PLXNA2: variants seen among roughly 807,000 people sequenced by gnomAD.
PLXNA2 encodes plexin A2, also known as plexin-A2.
Under a neutral mutation model 193.5 loss-of-function variants are expected in PLXNA2, and 91 were observed. The ratio of observed to expected loss-of-function variants is 0.47; its 90% CI spans 0.40 to 0.56. The LOEUF (loss-of-function observed/expected upper bound fraction) is 0.56, where lower values mean the gene tolerates loss of function less well. Among genes scored for constraint, PLXNA2 ranks in the 20% least tolerant of loss-of-function variants. The pLI, the probability that PLXNA2 is intolerant of heterozygous loss-of-function variation, is 0.00. For synonymous variants in PLXNA2, 997 were observed against 1,027.3 expected (o/e 0.97, Z 0.56); for missense variants, 1,995 against 2,503.2 (o/e 0.80, Z 4.33).
chr1:208,174,810 A>G (rs1669611752), intron 3 of PLXNA2, among the ~76,000 whole-genome samples: 1 of 152,196 alleles, frequency 6.6e-6, no homozygotes, highest in African/African-American at 2.4e-5. Context: ...CCACCTGTAT[A>G]TCCTCAAGTT....
At chr1:208,195,035 A>T (rs1670315257) in intron 3 of PLXNA2, among the ~76,000 whole-genome samples, 1 of 152,158 alleles carries the variant, frequency 6.6e-6, no homozygotes, top group South Asian at 2.1e-4. Flanking sequence ...CGAGCTTGAC[A>T]ATAAGGGAGC....
chr1:208,206,862 C>T (rs570483701), intron 3 of PLXNA2, among the ~76,000 whole-genome samples: 4 of 149,104 alleles, frequency 2.7e-5, no homozygotes, highest in Non-Finnish European at 5.9e-5. Flanking sequence ...CTCCCAGGTT[C>T]AAGCAATTCT....
At chr1:208,067,840 A>G (rs1385707683) in intron 12 of PLXNA2, among the ~76,000 whole-genome samples, 1 of 152,170 alleles carries the variant, frequency 6.6e-6, no homozygotes, top group Non-Finnish European at 1.5e-5. Context: ...GCTCGCTGGG[A>G]GAGCTCAAGG....
chr1:208,124,143 CACTT>C (rs79547296), intron 4 of PLXNA2, among the ~76,000 whole-genome samples: 12,366 of 152,108 alleles, frequency 0.081, 570 homozygotes, highest in Middle Eastern at 0.11. Flanking sequence ...CACACGTTCT[CACTT>C]ACAAGTGGGA....
At chr1:208,242,448 G>C (rs1672089220) in intron 1 of PLXNA2, among the ~76,000 whole-genome samples, 1 of 152,092 alleles carries the variant, frequency 6.6e-6, no homozygotes, top group Non-Finnish European at 1.5e-5. Context: ...CAAACTGATG[G>C]GCCCCCAAGT....
In PLXNA2 at chr1:208,096,841, T is replaced by C. The variant is rs143375126; in HGVS notation, c.1774A>G (p.Ile592Val). Residue 592 changes from isoleucine to valine, a missense_variant, in exon 7 of 32, where the codon ATC becomes GTC. Transcript: ENST00000367033. Reference sequence around the variant, plus strand: ...GTCAGGTTCCCAAAGGCACAGGCGATACCCGCAGATAGATCAGGAGCATCA... The same window carrying C: ...GTCAGGTTCCCAAAGGCACAGGCGACACCCGCAGATAGATCAGGAGCATCA... ...VSDAPDLSAG[I>V]ACAFGNLTEV... 3.1e-6 allele frequency: 5 copies of C among 1,614,086 alleles called. No individual in the cohort carries two copies. Among genetic ancestry groups the C allele is most frequent in the Non-Finnish European group, 4.2e-6 (5 of 1,180,006 alleles).
At chr1:208,029,298 T>A (rs1664429438) in intron 29 of PLXNA2, 1 of 1,301,688 alleles carries the variant, frequency 7.7e-7, no homozygotes, top group Admixed American at 3.3e-5. Flanking sequence ...GGCCTGGGTG[T>A]GTTCTGTTCC....
intron 1 of PLXNA2, among the ~76,000 whole-genome samples, chr1:208,224,194 A>T (rs1410132245): frequency 1.3e-5 from 2 of 152,208 alleles, no homozygotes; most frequent in Non-Finnish European, 2.9e-5. Context: ...GTCCTCAATT[A>T]GAGTGAAAGG....
At chr1:208,158,974 TC>T (rs1316908714) in intron 3 of PLXNA2, among the ~76,000 whole-genome samples, 4 of 152,168 alleles carry the variant, frequency 2.6e-5, no homozygotes, top group Non-Finnish European at 5.9e-5. Flanking sequence ...TCCTTCCTGC[TC>T]CCAGGGAGGA....
Position 208,024,654 on chromosome 1 carries a change from C to G in PLXNA2, c.*2589G>C, listed in dbSNP as rs1284670738. ...ATTCTCCACGCTCTCCACAAACCTT[C>G]AAGGAAACGCCCCAGGGGCAGTGAA... is the stretch of plus-strand genomic sequence containing the variant. On this transcript the variant is annotated 3_prime_UTR_variant, in exon 32 of 32. Transcript: ENST00000367033. 3 of 152,372 alleles carry G rather than the reference C, an allele frequency of 2.0e-5. No individual in the cohort carries two copies. Among genetic ancestry groups the G allele is most frequent in the Non-Finnish European group, 4.4e-5 (3 of 68,178 alleles). 9.4% of individuals were successfully genotyped at this position (152,372 alleles called of 1,614,324 possible). A position where few individuals can be genotyped will look rare whatever the true frequency, so the allele number is the denominator to read the frequency against.
At chr1:208,210,592 C>T (rs1425713303) in intron 2 of PLXNA2, 130 bp from the exon 3 acceptor site, 2 of 713,524 alleles carry the variant, frequency 2.8e-6, no homozygotes, top group Non-Finnish European at 4.5e-6. Flanking sequence ...AGTTCAGGGG[C>T]CCTAATACAA....
intron 4 of PLXNA2, among the ~76,000 whole-genome samples, chr1:208,118,726 AAG>A (rs1385556334): frequency 2.0e-5 from 3 of 152,160 alleles, no homozygotes; most frequent in African/African-American, 7.2e-5. Flanking sequence ...GGGGAGATAG[AAG>A]AGAGACAAAG....
At position 208,038,572 on chromosome 1, in the gene PLXNA2, G is replaced by T; in HGVS notation, c.4661-98C>A. On this transcript the variant is annotated intron_variant, in intron 25 of 31. Coordinates refer to ENST00000367033, the MANE Select transcript of PLXNA2 (RefSeq NM_025179.4). This position sits in a 1 kb window ranked among gnomAD's most constrained non-coding sequence, Gnocchi z 4.1. ...CCTTCTCTAGGGACCTGGCAACCCG[G>T]CCCCCTCAAGCTGGTACCAATAACA... The T allele has an allele frequency of 1.0e-6, 1 of 966,698 alleles. No individual in the cohort carries two copies. Among genetic ancestry groups the T allele is most frequent in the Non-Finnish European group, 1.7e-6 (1 of 605,564 alleles). 59.9% of individuals were successfully genotyped at this position (966,698 alleles called of 1,614,324 possible).
chr1:208,098,458 T>TCACACACACA (rs56677339), intron 6 of PLXNA2, among the ~76,000 whole-genome samples: 152 of 123,504 alleles, frequency 1.2e-3, no homozygotes, highest in African/African-American at 4.3e-3. Flanking sequence ...TCTCTCTCTC[T>TCACACACACA]CACACACACA....
Position 208,033,386 on chromosome 1 carries a change from T to C in PLXNA2, c.4988A>G (p.Gln1663Arg), listed in dbSNP as rs771144154. Residue 1663 changes from glutamine to arginine, a missense_variant, in exon 28 of 32, where the codon CAG (glutamine) becomes CGG (arginine). Gln to Arg is a conservative substitution (Grantham distance 43). This residue lies in a region of PLXNA2 where 1,291 missense variants were observed against 1,673.6 expected (regional missense o/e 0.77). Transcript: ENST00000367033. ...CTTGCTGCCCCGGTCACCCTCCTTC[T>C]GGTCACCGTGGTCATGGTTCTTCAC... ...HLVKNHDHGD[Q>R]KEGDRGSKMV... 1.2e-6 allele frequency: 2 copies of C among 1,614,188 alleles called. No homozygotes were observed. The highest frequency in any genetic ancestry group is 1.1e-5 in the South Asian group (1 of 91,074).
chr1:208,124,548 G>A (rs11118990), intron 4 of PLXNA2, among the ~76,000 whole-genome samples: 76,697 of 151,394 alleles, frequency 0.51, 20,221 homozygotes, highest in South Asian at 0.71. Context: ...GCGTGGTGGC[G>A]GGCGCCTGTA....
At chr1:208,240,269 G>A (rs553291330) in intron 1 of PLXNA2, among the ~76,000 whole-genome samples, 2 of 152,330 alleles carry the variant, frequency 1.3e-5, no homozygotes, top group African/African-American at 4.8e-5. Context: ...AGGGAATGAG[G>A]CCCAGGAGAG....
rs1664345561 is a variant in PLXNA2, at chr1:208,026,540, T to G, written c.*703A>C. 1.3e-5 allele frequency: 2 copies of G among 152,248 alleles called. No individual in the cohort carries two copies. The highest frequency in any genetic ancestry group is 2.9e-5 in the Non-Finnish European group (2 of 68,060). The allele number at this position is 152,248 out of a possible 1,614,324, so 9.4% of individuals were successfully genotyped here. A position where few individuals can be genotyped will look rare whatever the true frequency, so the allele number is the denominator to read the frequency against. ...TGGCTTTGCAATTTGTGCAAAGTTC[T>G]GGAAGTTCCATACTCCTCTGGCTGC... On this transcript the variant is annotated 3_prime_UTR_variant, in exon 32 of 32. Coordinates refer to ENST00000367033, the MANE Select transcript of PLXNA2 (RefSeq NM_025179.4).
intron 1 of PLXNA2, among the ~76,000 whole-genome samples, chr1:208,232,721 A>C (rs1274177724): frequency 1.3e-5 from 2 of 152,204 alleles, no homozygotes; most frequent in African/African-American, 4.8e-5. Context: ...TAATTTTAAC[A>C]TGATTAGGAG....
Sources: allele counts gnomAD v4.1 joint callset (sites outside exome capture counted in the v4.1 genomes callset), GRCh38; gene constraint gnomAD v4.1.1; regional missense constraint gnomAD v4.1.1; non-coding constraint Gnocchi (gnomAD v3.1); transcripts MANE v1.5; gene names NCBI Gene and HGNC (gene_info 2026-07-23, HGNC 2026-07-21).